RARRES1: variants seen among roughly 807,000 people sequenced by gnomAD.
RARRES1 encodes the protein retinoic acid receptor responder protein 1.
In RARRES1, 34 loss-of-function variants were observed where a neutral mutation model predicts 30.6. The observed-to-expected ratio is 1.11, with a 90% confidence interval of 0.84 to 1.48. RARRES1 has a LOEUF of 1.48. Ranked by LOEUF, RARRES1 falls within the 40% of genes most tolerant of loss-of-function variation. The probability of loss-of-function intolerance (pLI) is 0.00; values close to 1 mark genes in which losing one functional copy is unlikely to be tolerated. For synonymous variants in RARRES1, 153 were observed against 155.5 expected (o/e 0.98, Z 0.12); for missense variants, 373 against 386.5 (o/e 0.97, Z 0.29).
At chr3:158,715,071 G>C (rs1005431073) in intron 1 of RARRES1, among the ~76,000 whole-genome samples, 15 of 152,218 alleles carry the variant, frequency 9.9e-5, no homozygotes, top group African/African-American at 3.1e-4. Flanking sequence ...ACTGCACACA[G>C]AGCAGTTTGC....
rs1028170898 is a variant in RARRES1 at position 158,732,123 on chromosome 3, C to T, written c.276+17G>A. On this transcript the variant is annotated intron_variant, in intron 1 of 5. Coordinates refer to ENST00000237696, the MANE Select transcript of RARRES1 (RefSeq NM_206963.2). ...GGACAGGCAGGCGCGTGCCCCGGCGCGTCGCTCCGCACTCACCCACGCGCG... is the reference window on the plus strand; with the variant it reads ...GGACAGGCAGGCGCGTGCCCCGGCGTGTCGCTCCGCACTCACCCACGCGCG... The T allele has an allele frequency of 5.3e-6, 7 of 1,322,976 alleles. No individual in the cohort carries two copies. In the East Asian group the frequency reaches 1.6e-4, roughly 29 times the overall value. The allele number at this position is 1,322,976 out of a possible 1,614,324, so 82.0% of individuals were successfully genotyped here.
rs866935502 is a variant in RARRES1, at chr3:158,723,430, G to A, written c.276+8710C>T. 5.3e-5 allele frequency among the ~76,000 whole-genome samples: 8 copies of A among 152,190 alleles called. No homozygotes were observed. The highest frequency in any genetic ancestry group is 1.5e-5 in the Non-Finnish European group (1 of 68,042). On this transcript the variant is annotated intron_variant, in intron 1 of 5. Transcript: ENST00000237696. The surrounding 1 kb of genome is among the most constrained non-coding windows in gnomAD (Gnocchi z 4.4). ...TATCCTTATGTTCCAGATGGAGACA[G>A]CATCAGTATATTATATTATACCCTG...
At position 158,704,934 on chromosome 3, in the gene RARRES1, G is replaced by T; in HGVS notation, c.536-7C>A. On this transcript the variant is annotated splice_region_variant and splice_polypyrimidine_tract_variant and intron_variant, in intron 3 of 5. Coordinates refer to ENST00000237696, the MANE Select transcript of RARRES1 (RefSeq NM_206963.2). ...TCAATATGTCCATGATTATCTGAGA[G>T]AGACAAAAAAAGCACATTTGTATTA... 1 of 1,595,120 alleles carries T rather than the reference G, an allele frequency of 6.3e-7. No homozygotes were observed.
intron 4 of RARRES1, 70 bp downstream of exon 4, chr3:158,704,721 G>A (rs1726856615): frequency 6.5e-6 from 10 of 1,527,082 alleles, no homozygotes; most frequent in East Asian, 4.6e-5. Flanking sequence ...AAGTTCGCAT[G>A]AATTCAGTCT....
chr3:158,728,395 G>C (rs1052775525), intron 1 of RARRES1, among the ~76,000 whole-genome samples: 1 of 152,124 alleles, frequency 6.6e-6, no homozygotes, highest in Non-Finnish European at 1.5e-5. Context: ...TCGCCCCTCA[G>C]GGTCAGTTCT....
intron 4 of RARRES1, among the ~76,000 whole-genome samples, chr3:158,700,154 T>C (rs1220143404): frequency 1.3e-5 from 2 of 152,076 alleles, no homozygotes; most frequent in Non-Finnish European, 2.9e-5. Flanking sequence ...GGCAATATTA[T>C]TATTTTTTAA....
chr3:158,728,492 A>C (rs1408995640), intron 1 of RARRES1, among the ~76,000 whole-genome samples: 1 of 142,914 alleles, frequency 7.0e-6, no homozygotes, highest in African/African-American at 2.6e-5. Context: ...GTTTGGAGGG[A>C]TCAATCGTGG....
At chr3:158,730,369 T>C (rs796743972) in intron 1 of RARRES1, among the ~76,000 whole-genome samples, 2 of 46,718 alleles carry the variant, frequency 4.3e-5, no homozygotes, top group African/African-American at 2.6e-4. Flanking sequence ...AGGTTGCTCC[T>C]TCCTTCCTTC....
chr3:158,697,583 A>G lies in RARRES1; in HGVS notation c.*95T>C. On this transcript the variant is annotated 3_prime_UTR_variant, in exon 6 of 6. Transcript: ENST00000237696. Reference sequence around the variant, plus strand: ...TTGTAATCATAGGTTTTCCCAAATTATTAGAATGTCTATACCTTAGCTGTT... The same window carrying G: ...TTGTAATCATAGGTTTTCCCAAATTGTTAGAATGTCTATACCTTAGCTGTT... 2 of 1,303,446 alleles carry G rather than the reference A, an allele frequency of 1.5e-6. No homozygotes were observed. The highest frequency in any genetic ancestry group is 1.5e-5 in the South Asian group (1 of 67,418). The allele number at this position is 1,303,446 out of a possible 1,614,324, so 80.7% of individuals were successfully genotyped here. A position where few individuals can be genotyped will look rare whatever the true frequency, so the allele number is the denominator to read the frequency against.
chr3:158,705,171 CG>C (rs1242978176), intron 3 of RARRES1, among the ~76,000 whole-genome samples: 1 of 152,122 alleles, frequency 6.6e-6, no homozygotes, highest in Non-Finnish European at 1.5e-5. Context: ...ACTGTATACA[CG>C]CAAAGTAAGA....
chr3:158,714,013 A>G (rs1394150407), intron 1 of RARRES1, among the ~76,000 whole-genome samples, 154 bp from the exon 2 acceptor site: 2 of 152,066 alleles, frequency 1.3e-5, no homozygotes, highest in African/African-American at 4.8e-5. Flanking sequence ...AAAGATCTCA[A>G]ATTTTGTTCT....
intron 2 of RARRES1, among the ~76,000 whole-genome samples, chr3:158,711,227 A>T (rs1475140732): frequency 6.6e-6 from 1 of 152,208 alleles, no homozygotes; most frequent in Non-Finnish European, 1.5e-5. Flanking sequence ...CCTTTAGAGT[A>T]GTGGCCACTT....
At position 158,732,366 on chromosome 3, in the gene RARRES1, C is replaced by G; in HGVS notation, c.50G>C (p.Gly17Ala). Reference protein sequence around the residue: ...RLPAPWSGPRGPRPTAPLLAL... With the variant: ...RLPAPWSGPRAPRPTAPLLAL... ...GAGCAGCGGGGCGGTGGGGCGCGGG[C>G]CCCTGGGCCCGGACCAGGGAGCAGG... The change falls in exon 1 of 6, where the codon GGC becomes GCC. Residue 17 changes from glycine to alanine, a missense_variant. Coordinates refer to ENST00000237696, the MANE Select transcript of RARRES1 (RefSeq NM_206963.2). 3 of 1,476,532 alleles carry G rather than the reference C, an allele frequency of 2.0e-6. No individual in the cohort carries two copies. The highest frequency in any genetic ancestry group is 2.7e-6 in the Non-Finnish European group (3 of 1,120,240). 91.5% of individuals were successfully genotyped at this position (1,476,532 alleles called of 1,614,324 possible).
At chr3:158,717,316 C>T (rs572664306) in intron 1 of RARRES1, among the ~76,000 whole-genome samples, 58 of 152,356 alleles carry the variant, frequency 3.8e-4, no homozygotes, top group African/African-American at 1.2e-3. Context: ...GGCAGTCTAG[C>T]GGGAGAGGGC....
At chr3:158,702,000 A>G (rs17699103) in intron 4 of RARRES1, among the ~76,000 whole-genome samples, 26,896 of 151,990 alleles carry the variant, frequency 0.18, 2,455 homozygotes, top group Non-Finnish European at 0.22. Context: ...CTCTTAGTCA[A>G]TGACCATTCT....
At chr3:158,701,677 T>C (rs1394704147) in intron 4 of RARRES1, among the ~76,000 whole-genome samples, 1 of 152,204 alleles carries the variant, frequency 6.6e-6, no homozygotes, top group Non-Finnish European at 1.5e-5. Context: ...GCTTGTTGCT[T>C]GTGTTGCTTC....
intron 3 of RARRES1, among the ~76,000 whole-genome samples, chr3:158,707,878 T>C (rs1726976644): frequency 6.6e-6 from 1 of 152,272 alleles, no homozygotes; most frequent in Admixed American, 6.5e-5. Flanking sequence ...CCTGTTAATA[T>C]CGAAGTGCCT....
Position 158,732,260 on chromosome 3 carries a change from A to G in RARRES1, c.156T>C (p.Ala52=). Reference sequence around the variant, plus strand: ...GCTGCAGGAGCCTGCGCGGGACCCCAGCATCCTGAGGCTGCCCAGGGTCGT... The same window carrying G: ...GCTGCAGGAGCCTGCGCGGGACCCCGGCATCCTGAGGCTGCCCAGGGTCGT... ...DPDDPGQPQD[A]GVPRRLLQQA... The change falls in exon 1 of 6, where the codon GCT becomes GCC. Residue 52 remains alanine, a synonymous_variant. Coordinates refer to ENST00000237696, the MANE Select transcript of RARRES1 (RefSeq NM_206963.2). The G allele has an allele frequency of 7.3e-7, 1 of 1,372,752 alleles. No homozygotes were observed. Among genetic ancestry groups the G allele is most frequent in the South Asian group, 1.8e-5 (1 of 56,938 alleles). The allele number at this position is 1,372,752 out of a possible 1,614,324, so 85.0% of individuals were successfully genotyped here. A position where few individuals can be genotyped will look rare whatever the true frequency, so the allele number is the denominator to read the frequency against.
intron 3 of RARRES1, among the ~76,000 whole-genome samples, chr3:158,710,260 T>A (rs957867747): frequency 6.7e-6 from 1 of 149,264 alleles, no homozygotes; most frequent in African/African-American, 2.5e-5. Context: ...CAGGCTGGAG[T>A]GCAGTGGCAC....
Sources: allele counts gnomAD v4.1 joint callset (sites outside exome capture counted in the v4.1 genomes callset), GRCh38; gene constraint gnomAD v4.1.1; non-coding constraint Gnocchi (gnomAD v3.1); transcripts MANE v1.5; gene names NCBI Gene and HGNC (gene_info 2026-07-23, HGNC 2026-07-21).